ANKHD1: variants seen among roughly 807,000 people sequenced by gnomAD.
ANKHD1 encodes the protein ankyrin repeat and KH domain-containing protein 1.
A neutral mutation model predicts 230.5 loss-of-function variants in ANKHD1; 31 were observed. That is an observed-to-expected ratio of 0.13 (90% CI 0.10 to 0.18). The LOEUF is 0.18. ANKHD1 is among the 10% of genes least tolerant of loss of function. The pLI is 1.00. For synonymous variants in ANKHD1, 1,074 were observed against 1,117.6 expected (o/e 0.96, Z 0.78); for missense variants, 2,256 against 3,071.3 (o/e 0.73, Z 6.27).
chr5:140,472,601 A>G, intron 10 of ANKHD1: 1 of 382,120 alleles, frequency 2.6e-6, no homozygotes, highest in Non-Finnish European at 3.9e-6. Context: ...TATACCGCAG[A>G]GAGAAAGTCT....
rs1272151452 is a variant in ANKHD1 at position 140,519,124 on chromosome 5, C to A, written c.4318-4942C>A. Among the ~76,000 whole-genome samples the A allele has an allele frequency of 1.3e-5, 2 of 152,158 alleles. 1 individual carries two copies. The highest frequency in any genetic ancestry group is 3.8e-4 in the East Asian group (2 of 5,196). On this transcript the variant is annotated intron_variant, in intron 24 of 33. Transcript: ENST00000360839. ...AAAATCAATGTACAAAAATCACAAG[C>A]ATTCTTATACACCAACAACAGAGAG...
intron 14 of ANKHD1, among the ~76,000 whole-genome samples, chr5:140,491,139 C>CACAT (rs1460352213): frequency 0.011 from 612 of 56,310 alleles, 13 homozygotes; most frequent in South Asian, 0.015. Flanking sequence ...TATATATACA[C>CACAT]ATATATATAT....
intron 31 of ANKHD1, 165 bp downstream of exon 31, chr5:140,537,754 CAG>C (rs147748128): frequency 0.021 from 24,492 of 1,171,222 alleles, 328 homozygotes; most frequent in Non-Finnish European, 0.026. Flanking sequence ...AGTCCAATTT[CAG>C]AGTCTGGAAT....
At chr5:140,435,170 G>A (rs1773342003) in intron 1 of ANKHD1, among the ~76,000 whole-genome samples, 1 of 152,102 alleles carries the variant, frequency 6.6e-6, no homozygotes, top group South Asian at 2.1e-4. Flanking sequence ...AGGTCTCCAG[G>A]TATCAGTGGG....
At chr5:140,431,417 AG>A (rs1773037022) in intron 1 of ANKHD1, among the ~76,000 whole-genome samples, 1 of 152,238 alleles carries the variant, frequency 6.6e-6, no homozygotes, top group Admixed American at 6.5e-5. Context: ...GAAAAGGTGG[AG>A]AAAATAGACA....
chr5:140,435,414 G>T (rs546212593), intron 1 of ANKHD1, among the ~76,000 whole-genome samples: 29 of 149,396 alleles, frequency 1.9e-4, no homozygotes, highest in South Asian at 8.5e-4. Context: ...TTTTTGCTGT[G>T]TTGCCCAGGC....
At chr5:140,462,200 A>C (rs1281852662) in intron 9 of ANKHD1, among the ~76,000 whole-genome samples, 1 of 151,532 alleles carries the variant, frequency 6.6e-6, no homozygotes, top group East Asian at 1.9e-4. Flanking sequence ...GGGATACTTC[A>C]TAGGTGGTAT....
intron 1 of ANKHD1, among the ~76,000 whole-genome samples, chr5:140,413,496 C>A (rs555930903): frequency 6.6e-6 from 1 of 152,204 alleles, no homozygotes; most frequent in Admixed American, 6.5e-5. Context: ...AACAATAATT[C>A]TCCCATTCTC....
At chr5:140,453,138 T>A (rs1219310686) in intron 7 of ANKHD1, among the ~76,000 whole-genome samples, 1 of 152,096 alleles carries the variant, frequency 6.6e-6, no homozygotes, top group Non-Finnish European at 1.5e-5. Flanking sequence ...ATCAAATGAA[T>A]GAAATGAAGC....
intron 5 of ANKHD1, among the ~76,000 whole-genome samples, chr5:140,443,417 G>A (rs1038836361): frequency 2.0e-5 from 3 of 151,856 alleles, no homozygotes; most frequent in African/African-American, 4.8e-5. Flanking sequence ...AAGGCCGGGC[G>A]TGGTGGCTCA....
chr5:140,483,488 A>G (rs1326908108), intron 11 of ANKHD1, among the ~76,000 whole-genome samples: 2 of 100,554 alleles, frequency 2.0e-5, no homozygotes, highest in South Asian at 2.8e-4. Flanking sequence ...AAGGAGTTTC[A>G]CTCTTTTTAC....
intron 9 of ANKHD1, among the ~76,000 whole-genome samples, chr5:140,460,296 T>C (rs906595704): frequency 2.0e-5 from 3 of 152,126 alleles, no homozygotes; most frequent in Non-Finnish European, 4.4e-5. Context: ...TCCCAACAGA[T>C]GTAAATATAT....
chr5:140,487,804 A>G (rs1324232612), intron 14 of ANKHD1, among the ~76,000 whole-genome samples: 1 of 152,234 alleles, frequency 6.6e-6, no homozygotes, highest in Non-Finnish European at 1.5e-5. Flanking sequence ...AAACTTATGA[A>G]CATCGTTCAT....
At chr5:140,443,962 G>A (rs562879334) in intron 5 of ANKHD1, among the ~76,000 whole-genome samples, 4 of 152,126 alleles carry the variant, frequency 2.6e-5, no homozygotes, top group African/African-American at 7.2e-5. Context: ...TCTTGGAAGC[G>A]GGGATTCTAA....
intron 10 of ANKHD1, among the ~76,000 whole-genome samples, chr5:140,471,427 A>G (rs1386152965): frequency 1.3e-5 from 2 of 152,094 alleles, no homozygotes; most frequent in Non-Finnish European, 2.9e-5. Flanking sequence ...ATAGGGGGTG[A>G]AATAGGGGTA....
chr5:140,433,858 C>T (rs1280386519), intron 1 of ANKHD1, among the ~76,000 whole-genome samples: 1 of 152,048 alleles, frequency 6.6e-6, no homozygotes. Flanking sequence ...TTCCAACTGG[C>T]AGGTATGTAT....
chr5:140,454,320 A>G (rs1366783001), intron 7 of ANKHD1, among the ~76,000 whole-genome samples: 1 of 152,088 alleles, frequency 6.6e-6, no homozygotes, highest in Non-Finnish European at 1.5e-5. Context: ...AAAGTTAACA[A>G]GGGATATCCA....
chr5:140,435,444 C>T (rs1352875272), intron 1 of ANKHD1, among the ~76,000 whole-genome samples: 1 of 150,586 alleles, frequency 6.6e-6, no homozygotes, highest in Non-Finnish European at 1.5e-5. Flanking sequence ...ATGGCACGAT[C>T]TCGGCTCACA....
intron 10 of ANKHD1, among the ~76,000 whole-genome samples, chr5:140,482,079 TA>T (rs200616553): frequency 2.4e-4 from 36 of 151,190 alleles, no homozygotes; most frequent in African/African-American, 8.5e-4. Flanking sequence ...AATTTCTACT[TA>T]AAAAAAAACT....
Sources: gnomAD v4.1 joint callset for allele counts (sites outside exome capture counted in the v4.1 genomes callset) on GRCh38, gnomAD v4.1.1 for gene constraint, MANE v1.5 for transcripts, NCBI Gene and HGNC (gene_info 2026-07-23, HGNC 2026-07-21) for gene names.